Variants in PMM2 observed in about 807,000 individuals in gnomAD.
The protein encoded by PMM2 is phosphomannomutase 2, also known as mannose-6-phosphate isomerase.
Under a neutral mutation model 33.2 loss-of-function variants are expected in PMM2, and 35 were observed. The ratio of observed to expected loss-of-function variants is 1.06; its 90% confidence interval spans 0.81 to 1.40. The LOEUF is 1.40. PMM2 is among the 40% of genes most tolerant of loss of function. The pLI is 0.00. For synonymous variants in PMM2, 153 were observed against 114.7 expected (o/e 1.33, Z -2.13); for missense variants, 386 against 306.0 (o/e 1.26, Z -1.95).
intron 7 of PMM2, among the ~76,000 whole-genome samples, chr16:8,835,873 TTG>T (rs2141041645): frequency 6.6e-6 from 1 of 151,440 alleles, no homozygotes; most frequent in East Asian, 1.9e-4. Flanking sequence ...TGGGTTAAGG[TTG>T]GGGGATACAA....
intron 7 of PMM2, among the ~76,000 whole-genome samples, chr16:8,843,952 G>A (rs12596637): frequency 0.61 from 92,260 of 150,992 alleles, 29,106 homozygotes; most frequent in Middle Eastern, 0.72. Flanking sequence ...GGGGACAGGC[G>A]GGAGGGAAAG....
intron 3 of PMM2, among the ~76,000 whole-genome samples, chr16:8,805,146 C>G (rs1309505993): frequency 6.6e-6 from 1 of 152,196 alleles, no homozygotes; most frequent in Non-Finnish European, 1.5e-5. Flanking sequence ...CAACCTCCGC[C>G]TACCTCCGCC....
chr16:8,841,238 C>CT (rs1298943528), intron 7 of PMM2, among the ~76,000 whole-genome samples: 1 of 150,870 alleles, frequency 6.6e-6, no homozygotes, highest in East Asian at 1.9e-4. Context: ...GGTGATTTGA[C>CT]TAGTAAAGGC....
At chr16:8,836,825 TGATGAAAAA>T (rs1219234872) in intron 7 of PMM2, among the ~76,000 whole-genome samples, 1 of 151,986 alleles carries the variant, frequency 6.6e-6, no homozygotes, top group Non-Finnish European at 1.5e-5. Context: ...TTTTTATATT[TGATGAAAAA>T]GAACCTAAAC....
chr16:8,832,604 C>G (rs894252817), intron 7 of PMM2: 2 of 985,312 alleles, frequency 2.0e-6, no homozygotes, highest in Admixed American at 6.1e-5. Context: ...GTAATGGCCT[C>G]TGTCCTCTTT....
intron 7 of PMM2, among the ~76,000 whole-genome samples, chr16:8,841,473 T>G: frequency 7.9e-6 from 1 of 126,832 alleles, no homozygotes; most frequent in South Asian, 2.8e-4. Context: ...TCTTCAAGCT[T>G]GATGTGTAGG....
rs202199014 is a variant in PMM2, at chr16:8,797,868, C to G, written c.-15C>G. 6.3e-5 allele frequency: 101 copies of G among 1,610,776 alleles called. No individual in the cohort carries two copies. In the African/African-American group the frequency reaches 1.2e-3, roughly 20 times the overall value. On this transcript the variant is annotated 5_prime_UTR_variant, in exon 1 of 8. Coordinates refer to ENST00000268261, the MANE Select transcript of PMM2 (RefSeq NM_000303.3). ...TGCCAACGTGTCTTGTAAGGTGCGG[C>G]TAGAAACTGGGGACATGGCAGCGCC...
At chr16:8,813,242 G>T in intron 7 of PMM2, 136 bp downstream of exon 7, 1 of 727,968 alleles carries the variant, frequency 1.4e-6, no homozygotes, top group Admixed American at 1.9e-5. Flanking sequence ...TTCTGTCCTG[G>T]AGAGGTGGGT....
intron 7 of PMM2, among the ~76,000 whole-genome samples, chr16:8,829,432 A>C (rs1479026166): frequency 6.6e-6 from 1 of 152,252 alleles, no homozygotes; most frequent in Non-Finnish European, 1.5e-5. Context: ...ATGGAACCAC[A>C]GGCAAAAGCC....
At chr16:8,835,871 G>A (rs1379208935) in intron 7 of PMM2, among the ~76,000 whole-genome samples, 1 of 151,894 alleles carries the variant, frequency 6.6e-6, no homozygotes, top group Non-Finnish European at 1.5e-5. Context: ...TGTGGGTTAA[G>A]GTTGGGGGAT....
chr16:8,820,683 G>T (rs768427887), intron 7 of PMM2, among the ~76,000 whole-genome samples: 2 of 152,066 alleles, frequency 1.3e-5, no homozygotes, highest in African/African-American at 2.4e-5. Flanking sequence ...AGTCATATGA[G>T]AATGAAGTGA....
intron 7 of PMM2, among the ~76,000 whole-genome samples, chr16:8,831,157 G>C (rs1240011542): frequency 6.6e-6 from 1 of 152,136 alleles, no homozygotes; most frequent in Admixed American, 6.6e-5. Flanking sequence ...AAAAAACAAA[G>C]TTGAACTATA....
intron 7 of PMM2, among the ~76,000 whole-genome samples, chr16:8,821,908 C>G (rs1045409883): frequency 6.6e-6 from 1 of 152,272 alleles, no homozygotes; most frequent in African/African-American, 2.4e-5. Flanking sequence ...CACTACTGCT[C>G]TACGCCATTT....
chr16:8,841,618 A>G (rs1170920971), intron 7 of PMM2, among the ~76,000 whole-genome samples: 66 of 147,510 alleles, frequency 4.5e-4, no homozygotes, highest in African/African-American at 1.4e-3. Flanking sequence ...AGTGGCTTGT[A>G]CTATAGCATA....
Position 8,797,910 on chromosome 16 carries a change from C to T in PMM2, c.28C>T (p.Leu10Phe), listed in dbSNP as rs1215262242. ...GGCAGCGCCTGGCCCAGCGCTCTGCCTCTTCGACGTGGATGGGACCCTCAC... is the reference window on the plus strand; with the variant it reads ...GGCAGCGCCTGGCCCAGCGCTCTGCTTCTTCGACGTGGATGGGACCCTCAC... MAAPGPALCLFDVDGTLTAP... is the reference protein window; with the variant it reads MAAPGPALCFFDVDGTLTAP... Residue 10 changes from leucine to phenylalanine, a missense_variant, in exon 1 of 8, where the codon CTC becomes TTC. Leu to Phe is a conservative substitution (Grantham distance 22). Transcript: ENST00000268261. The T allele has an allele frequency of 1.2e-6, 2 of 1,611,222 alleles. No homozygotes were observed. The highest frequency in any genetic ancestry group is 1.7e-6 in the Non-Finnish European group (2 of 1,179,178).
rs1474067966 is a variant in PMM2 at position 8,797,928 on chromosome 16, A to T, written c.46A>T (p.Thr16Ser). The change falls in exon 1 of 8, where the codon ACC (threonine) becomes TCC (serine). Residue 16 changes from threonine to serine, a missense_variant. Thr to Ser is a moderately conservative substitution (Grantham distance 58). Coordinates refer to ENST00000268261, the MANE Select transcript of PMM2 (RefSeq NM_000303.3). ...PALCLFDVDG[T>S]LTAPRQKITK... ...GCTCTGCCTCTTCGACGTGGATGGG[A>T]CCCTCACCGCCCCGCGGCAGGTAAG... is the stretch of plus-strand genomic sequence containing the variant. 6.2e-7 allele frequency: 1 copy of T among 1,608,682 alleles called. No individual in the cohort carries two copies. Among genetic ancestry groups the T allele is most frequent in the Admixed American group, 1.7e-5 (1 of 59,434 alleles).
intron 7 of PMM2, among the ~76,000 whole-genome samples, chr16:8,830,898 A>G (rs8061456): frequency 0.9 from 136,484 of 152,286 alleles, 61,525 homozygotes; most frequent in East Asian, 0.97. Context: ...CAGCACTTTG[A>G]GAGGCTGAGG....
intron 7 of PMM2, among the ~76,000 whole-genome samples, chr16:8,837,768 C>T (rs916165711): frequency 6.6e-6 from 1 of 151,962 alleles, no homozygotes; most frequent in African/African-American, 2.4e-5. Flanking sequence ...GGGTGAAGGA[C>T]CAAGGCAGGC....
intron 7 of PMM2, among the ~76,000 whole-genome samples, chr16:8,823,736 C>T (rs1022075858): frequency 6.6e-6 from 1 of 152,080 alleles, no homozygotes; most frequent in African/African-American, 2.4e-5. Flanking sequence ...ATTTTTTCTT[C>T]TCATGGTCCT....
Sources: allele counts gnomAD v4.1 joint callset (sites outside exome capture counted in the v4.1 genomes callset), GRCh38; gene constraint gnomAD v4.1.1; transcripts MANE v1.5; gene names NCBI Gene and HGNC (gene_info 2026-07-23, HGNC 2026-07-21).